GRAMD2B: variants seen among roughly 807,000 people sequenced by gnomAD.
GRAMD2B encodes GRAM domain-containing protein 2B.
A neutral mutation model predicts 59.2 loss-of-function variants in GRAMD2B; 41 were observed. The observed-to-expected ratio is 0.69, with a 90% CI of 0.54 to 0.90. The LOEUF (loss-of-function observed/expected upper bound fraction) is 0.90, where lower values mean the gene tolerates loss of function less well. Ranked by LOEUF, GRAMD2B falls within the 40% of genes least tolerant of loss-of-function variation. The probability of loss-of-function intolerance (pLI) is 0.00; values close to 1 mark genes in which losing one functional copy is unlikely to be tolerated. For synonymous variants in GRAMD2B, 161 were observed against 182.7 expected, an observed-to-expected ratio of 0.88 and a Z score of 0.96; for missense variants, 424 against 500.5, an observed-to-expected ratio of 0.85 and a Z score of 1.46.
intron 2 of GRAMD2B, chr5:126,467,480 T>C (rs1768671788): frequency 6.6e-6 from 1 of 151,976 alleles, no homozygotes; most frequent in Non-Finnish European, 1.5e-5. Context: ...TGAACCCCCT[T>C]ATTGCTTGTG....
At chr5:126,421,255 T>C (rs980757556), upstream of GRAMD2B, among the ~76,000 whole-genome samples, 6 of 152,224 alleles carry the variant, frequency 3.9e-5, no homozygotes, top group African/African-American at 1.2e-4. Context: ...GTTATGTATA[T>C]TTTACCACAA....
chr5:126,387,266 C>A (rs1484670908), intron 1 of GRAMD2B, among the ~76,000 whole-genome samples: 1 of 49,108 alleles, frequency 2.0e-5, no homozygotes. Context: ...AAAATTTTAA[C>A]TCTTCTGAAA....
At chr5:126,432,131 G>GGTC (rs1204194406) in intron 1 of GRAMD2B, among the ~76,000 whole-genome samples, 1 of 151,756 alleles carries the variant, frequency 6.6e-6, no homozygotes, top group East Asian at 1.9e-4. Context: ...GTTTCACCAT[G>GGTC]TTACTCAGAC....
chr5:126,480,512 G>A lies in GRAMD2B; in HGVS notation c.639G>A (p.Val213=), dbSNP rs1289837226. 6.8e-5 allele frequency: 110 copies of A among 1,613,182 alleles called. No individual in the cohort carries two copies. The highest frequency in any genetic ancestry group is 9.1e-5 in the Non-Finnish European group (107 of 1,179,258). The change falls in exon 7 of 14, where the codon GTG becomes GTA. Residue 213 remains valine (V), a synonymous_variant. Coordinates refer to ENST00000285689, the MANE Select transcript of GRAMD2B (RefSeq NM_023927.4). Reference sequence around the variant, plus strand: ...CAACTTACAAACTACTAAAATCTGTGTGTGGACACTTAGAAGTGAGTATGA... The same window carrying A: ...CAACTTACAAACTACTAAAATCTGTATGTGGACACTTAGAAGTGAGTATGA... ...RDSTYKLLKS[V]CGHLENTSVG... is the part of the protein sequence containing the mutation.
intron 1 of GRAMD2B, among the ~76,000 whole-genome samples, chr5:126,372,455 TTTAAA>T (rs1754847081): frequency 2.6e-5 from 4 of 152,184 alleles, no homozygotes; most frequent in East Asian, 1.9e-4. Context: ...CAAAAAGTAC[TTTAAA>T]TTATAGCTTT....
At chr5:126,367,631 C>T (rs1245132442), upstream of GRAMD2B, among the ~76,000 whole-genome samples, 1 of 152,152 alleles carries the variant, frequency 6.6e-6, no homozygotes, top group East Asian at 1.9e-4. Flanking sequence ...CATCATTGCA[C>T]AAGACTACAT....
chr5:126,400,527 T>C (rs1757736231), intron 1 of GRAMD2B, among the ~76,000 whole-genome samples: 1 of 152,206 alleles, frequency 6.6e-6, no homozygotes, highest in Admixed American at 6.6e-5. Context: ...TTCTGAATTT[T>C]ACCATATACT....
chr5:126,444,052 CA>C (rs1201362951), intron 1 of GRAMD2B, among the ~76,000 whole-genome samples: 168 of 139,094 alleles, frequency 1.2e-3, no homozygotes, highest in Admixed American at 8.6e-4. Context: ...AACTCCATCT[CA>C]AAAAAAAAAA....
At chr5:126,465,404 A>G in intron 1 of GRAMD2B, 22 bp from the exon 2 acceptor site, 1 of 1,613,878 alleles carries the variant, frequency 6.2e-7, no homozygotes, top group Non-Finnish European at 8.5e-7. Flanking sequence ...TCTAAAGTGA[A>G]GCGGTTTCCT....
At chr5:126,371,011 A>G (rs567711267), upstream of GRAMD2B, among the ~76,000 whole-genome samples, 8 of 152,350 alleles carry the variant, frequency 5.3e-5, no homozygotes, top group East Asian at 1.3e-3. Flanking sequence ...CATAAAGCAC[A>G]TCCACATTGC....
chr5:126,422,919 C>CT (rs1759898378), upstream of GRAMD2B, among the ~76,000 whole-genome samples: 1 of 150,772 alleles, frequency 6.6e-6, no homozygotes. Flanking sequence ...CTAACCACCC[C>CT]CCCCACCCCA....
intron 1 of GRAMD2B, among the ~76,000 whole-genome samples, chr5:126,461,500 T>A (rs114998460): frequency 0.017 from 2,588 of 152,266 alleles, 72 homozygotes; most frequent in African/African-American, 0.058. Context: ...TAGCCAGTAA[T>A]AAAAATGCTG....
chr5:126,453,053 C>T (rs987728238), intron 1 of GRAMD2B, among the ~76,000 whole-genome samples: 1 of 152,024 alleles, frequency 6.6e-6, no homozygotes, highest in African/African-American at 2.4e-5. Flanking sequence ...TTGTGACATC[C>T]AATTGCTGGT....
chr5:126,480,475 T>C lies in GRAMD2B; in HGVS notation c.602T>C (p.Leu201Pro). The C allele has an allele frequency of 6.2e-7, 1 of 1,612,224 alleles. No individual in the cohort carries two copies. Among genetic ancestry groups the C allele is most frequent in the Non-Finnish European group, 8.5e-7 (1 of 1,178,264 alleles). ...TTTCAGTACATATTTGTCTCCTTAC[T>C]CTCCAGAGATTCAACTTACAAACTA... ...VTDRYIFVSL[L>P]SRDSTYKLLK... Residue 201 changes from leucine (L) to proline (P), a missense_variant, in exon 7 of 14, where the codon CTC becomes CCC. By Grantham distance (98) the Leu-to-Pro change is moderately conservative. Transcript: ENST00000285689.
At chr5:126,478,140 G>GAAAAAAA (rs11376080) in intron 6 of GRAMD2B, among the ~76,000 whole-genome samples, 1 of 126,872 alleles carries the variant, frequency 7.9e-6, no homozygotes. Context: ...GTCTTAAAGG[G>GAAAAAAA]AAAAAAAAAA....
chr5:126,386,936 T>G (rs1231309463), intron 1 of GRAMD2B, among the ~76,000 whole-genome samples: 1 of 152,220 alleles, frequency 6.6e-6, no homozygotes, highest in East Asian at 1.9e-4. Flanking sequence ...TGTCAAATTC[T>G]AAGGTTTTGT....
At chr5:126,391,815 A>G (rs1756824775) in intron 1 of GRAMD2B, among the ~76,000 whole-genome samples, 1 of 152,324 alleles carries the variant, frequency 6.6e-6, no homozygotes, top group South Asian at 2.1e-4. Flanking sequence ...AAAATGTTCT[A>G]GAATTGGTGG....
intron 1 of GRAMD2B, among the ~76,000 whole-genome samples, chr5:126,444,440 T>G (rs10060542): frequency 0.12 from 17,737 of 152,286 alleles, 2,042 homozygotes; most frequent in African/African-American, 0.3. Context: ...GCAGATTTTT[T>G]GTTCTAAGAA....
rs767704922 is a variant in GRAMD2B, at chr5:126,423,657, C to A, written c.51C>A (p.Leu17=). 3 of 1,608,938 alleles carry A rather than the reference C, an allele frequency of 1.9e-6. No individual in the cohort carries two copies. Among genetic ancestry groups the A allele is most frequent in the South Asian group, 1.1e-5 (1 of 89,816 alleles). Reference sequence around the variant, plus strand: ...AAGACACAAAGCCTGCGAAAGTGCTCGGGAAGAGGGAGAGCAAACTTGGCT... The same window carrying A: ...AAGACACAAAGCCTGCGAAAGTGCTAGGGAAGAGGGAGAGCAAACTTGGCT... ...DVEDTKPAKV[L]GKRESKLGSA... is the part of the protein sequence containing the mutation. Residue 17 remains leucine (L), a synonymous_variant, in exon 1 of 14, where the codon CTC becomes CTA. Transcript: ENST00000285689.
Sources: allele counts gnomAD v4.1 joint callset (sites outside exome capture counted in the v4.1 genomes callset), GRCh38; gene constraint gnomAD v4.1.1; transcripts MANE v1.5; gene names NCBI Gene and HGNC (gene_info 2026-07-23, HGNC 2026-07-21).